ANKRD6: variants seen among roughly 807,000 people sequenced by gnomAD.
The protein encoded by ANKRD6 is ankyrin repeat domain-containing protein 6.
A neutral mutation model predicts 82.3 loss-of-function variants in ANKRD6; 56 were observed. That is an observed-to-expected ratio of 0.68 (90% CI 0.55 to 0.85). The LOEUF is 0.85. Ranked by LOEUF, ANKRD6 falls within the 40% of genes least tolerant of loss-of-function variation. ANKRD6 has a pLI of 0.00. For synonymous variants in ANKRD6, 347 were observed against 352.1 expected (o/e 0.99, Z 0.16); for missense variants, 852 against 907.6 (o/e 0.94, Z 0.79).
At chr6:89,525,258 C>T (rs1410496573) in intron 1 of ANKRD6, among the ~76,000 whole-genome samples, 1 of 148,916 alleles carries the variant, frequency 6.7e-6, no homozygotes, top group African/African-American at 2.5e-5. Flanking sequence ...TGTGCTGTTG[C>T]ACTCCAGCCT....
chr6:89,623,459 G>C lies in ANKRD6; in HGVS notation c.947G>C (p.Arg316Thr). Reference sequence around the variant, plus strand: ...CCCAGCAGTGAACAGGCTGTGGCCAGAAAAGAAGAAGCCAGAGAAGAGTTC... The same window carrying C: ...CCCAGCAGTGAACAGGCTGTGGCCACAAAAGAAGAAGCCAGAGAAGAGTTC... ...DTPSSEQAVA[R>T]KEEAREEFLS... Residue 316 changes from arginine to threonine, a missense_variant, in exon 11 of 16, where the codon AGA (arginine) becomes ACA (threonine). Coordinates refer to ENST00000339746, the MANE Select transcript of ANKRD6 (RefSeq NM_001242809.2). The C allele has an allele frequency of 6.2e-7, 1 of 1,609,846 alleles. No individual in the cohort carries two copies. The highest frequency in any genetic ancestry group is 8.5e-7 in the Non-Finnish European group (1 of 1,178,054).
At chr6:89,624,397 G>A (rs1278678934) in intron 12 of ANKRD6, 142 bp from the exon 13 acceptor site, 2 of 1,134,878 alleles carry the variant, frequency 1.8e-6, no homozygotes, top group Non-Finnish European at 2.5e-6. Context: ...CCTATAAGAT[G>A]TTCCAAAGTT....
chr6:89,603,144 C>T lies in ANKRD6; in HGVS notation c.318+17C>T, dbSNP rs10944453. The T allele has an allele frequency of 0.14, 217,631 of 1,583,570 alleles. 16,495 individuals carry two copies. The highest frequency in any genetic ancestry group is 0.19 in the Middle Eastern group (1,119 of 6,028). On this transcript the variant is annotated intron_variant, in intron 4 of 15. Transcript: ENST00000339746. ...CAAGACAAGGTGAGTGGACACTGAG[C>T]TTCCTTACTCCCCAAGGCAAGGGAA...
chr6:89,502,039 T>C (rs1278077354), intron 1 of ANKRD6, among the ~76,000 whole-genome samples: 1 of 152,234 alleles, frequency 6.6e-6, no homozygotes, highest in Non-Finnish European at 1.5e-5. Context: ...GCCTCCCATA[T>C]TCTTATTGTT....
At chr6:89,552,607 G>T (rs563311100) in intron 1 of ANKRD6, among the ~76,000 whole-genome samples, 2 of 152,268 alleles carry the variant, frequency 1.3e-5, no homozygotes, top group Admixed American at 1.3e-4. Context: ...GGAGAATTTA[G>T]CCTCTTGTTG....
chr6:89,531,122 A>C (rs1308820088), intron 1 of ANKRD6, among the ~76,000 whole-genome samples: 1 of 152,208 alleles, frequency 6.6e-6, no homozygotes, highest in African/African-American at 2.4e-5. Flanking sequence ...TATGGGAAGG[A>C]GAGGTGGCTC....
intron 4 of ANKRD6, 59 bp downstream of exon 4, chr6:89,603,186 A>G: frequency 6.7e-7 from 1 of 1,492,440 alleles, no homozygotes; most frequent in Admixed American, 2.0e-5. Flanking sequence ...GGCTCAGGGG[A>G]GCTGGAGGAG....
At chr6:89,454,922 C>G (rs1394811650) in intron 1 of ANKRD6, among the ~76,000 whole-genome samples, 2 of 152,168 alleles carry the variant, frequency 1.3e-5, no homozygotes, top group Admixed American at 1.3e-4. Flanking sequence ...CTCACTGGAA[C>G]CTCTGCTTCC....
chr6:89,525,799 C>G (rs1283392418), intron 1 of ANKRD6, among the ~76,000 whole-genome samples: 1 of 152,188 alleles, frequency 6.6e-6, no homozygotes, highest in Non-Finnish European at 1.5e-5. Context: ...GAATTTGGCT[C>G]TCTGTCTAAA....
chr6:89,468,642 A>G lies in ANKRD6; in HGVS notation c.-144+35267A>G, dbSNP rs542727904. On this transcript the variant is annotated intron_variant, in intron 1 of 15. Transcript: ENST00000339746. Reference sequence around the variant, plus strand: ...AAAAAAAAGTCCGTGCATAATTTTCATGGTATCTGTCACCACAGATAAGCA... The same window carrying G: ...AAAAAAAAGTCCGTGCATAATTTTCGTGGTATCTGTCACCACAGATAAGCA... Among the ~76,000 whole-genome samples the G allele has an allele frequency of 8.9e-5, 13 of 145,904 alleles. No individual in the cohort carries two copies. The East Asian group carries it at 2.7e-3, about 30-fold the overall frequency.
intron 1 of ANKRD6, among the ~76,000 whole-genome samples, chr6:89,497,342 T>C (rs1778740480): frequency 6.6e-6 from 1 of 152,242 alleles, no homozygotes; most frequent in Non-Finnish European, 1.5e-5. Flanking sequence ...GCTTTGTGAC[T>C]GTTATCCTCC....
chr6:89,575,481 T>C (rs1049129324), intron 2 of ANKRD6, among the ~76,000 whole-genome samples: 3 of 152,168 alleles, frequency 2.0e-5, no homozygotes, highest in Admixed American at 6.5e-5. Context: ...TAAGTTTAGA[T>C]TGTGAACTTT....
intron 1 of ANKRD6, among the ~76,000 whole-genome samples, chr6:89,553,396 C>T (rs1441808097): frequency 1.3e-5 from 2 of 152,158 alleles, no homozygotes; most frequent in Non-Finnish European, 2.9e-5. Context: ...AGGCCTCTGT[C>T]CTCTGTGGGA....
chr6:89,573,092 C>A (rs1210419033), intron 2 of ANKRD6, among the ~76,000 whole-genome samples: 1 of 152,050 alleles, frequency 6.6e-6, no homozygotes, highest in Admixed American at 6.6e-5. Flanking sequence ...TCCTGAGTAG[C>A]TGGGACTACA....
intron 1 of ANKRD6, among the ~76,000 whole-genome samples, chr6:89,537,595 GTTTTATA>G (rs1042346004): frequency 3.3e-5 from 5 of 151,622 alleles, no homozygotes; most frequent in Admixed American, 2.6e-4. Flanking sequence ...ATTATAATAT[GTTTTATA>G]TTTTATAATA....
At chr6:89,458,430 G>A (rs997265803) in intron 1 of ANKRD6, among the ~76,000 whole-genome samples, 4 of 152,214 alleles carry the variant, frequency 2.6e-5, no homozygotes, top group African/African-American at 7.2e-5. Context: ...AGCCAGTGGT[G>A]GATCAGTCCA....
At chr6:89,491,989 A>AT (rs1562628243) in intron 1 of ANKRD6, among the ~76,000 whole-genome samples, 1 of 152,140 alleles carries the variant, frequency 6.6e-6, no homozygotes, top group Non-Finnish European at 1.5e-5. Context: ...CATCATACCC[A>AT]GCATAAAAAA....
intron 1 of ANKRD6, among the ~76,000 whole-genome samples, chr6:89,559,661 T>C (rs1435610031): frequency 6.6e-6 from 1 of 152,150 alleles, no homozygotes; most frequent in East Asian, 1.9e-4. Context: ...GGGTTGAGGG[T>C]GGTGAGAAGA....
chr6:89,622,392 C>G (rs866836133), intron 10 of ANKRD6, among the ~76,000 whole-genome samples: 1 of 152,166 alleles, frequency 6.6e-6, no homozygotes, highest in African/African-American at 2.4e-5. Flanking sequence ...AGTGTGTCAC[C>G]TGGGACCTTA....
Sources: allele counts gnomAD v4.1 joint callset (sites outside exome capture counted in the v4.1 genomes callset), GRCh38; gene constraint gnomAD v4.1.1; transcripts MANE v1.5; gene names NCBI Gene and HGNC (gene_info 2026-07-23, HGNC 2026-07-21).